MALRD1: variants seen among roughly 807,000 people sequenced by gnomAD.
MALRD1 encodes MAM and LDL receptor class A domain containing 1.
In MALRD1, 247 loss-of-function variants were observed where a neutral mutation model predicts 242.1. The observed-to-expected ratio is 1.02, with a 90% CI of 0.92 to 1.13. MALRD1 has a LOEUF of 1.13. Among genes scored for constraint, MALRD1 ranks in the 50% most tolerant of loss-of-function variants. The pLI is 0.00. For synonymous variants in MALRD1, 995 were observed against 866.6 expected (o/e 1.15, Z -2.60); for missense variants, 2,989 against 2,533.1 (o/e 1.18, Z -3.86).
chr10:19,418,195 T>C (rs2130906549), intron 28 of MALRD1, among the ~76,000 whole-genome samples: 1 of 152,226 alleles, frequency 6.6e-6, no homozygotes, highest in South Asian at 2.1e-4. Context: ...ATTATCATTA[T>C]AGATTATCTG....
chr10:19,695,084 A>C (rs1259466733), intron 38 of MALRD1, among the ~76,000 whole-genome samples: 1 of 152,110 alleles, frequency 6.6e-6, no homozygotes, highest in Non-Finnish European at 1.5e-5. Flanking sequence ...GGGTGGGGCT[A>C]GTGGGGAGGC....
At chr10:19,731,942 C>T (rs1276882864) in intron 39 of MALRD1, among the ~76,000 whole-genome samples, 2 of 151,960 alleles carry the variant, frequency 1.3e-5, no homozygotes, top group Admixed American at 1.3e-4. Flanking sequence ...GTTTAAGAGC[C>T]TTGAGTGCTG....
At chr10:19,391,547 T>C (rs187636673) in intron 28 of MALRD1, among the ~76,000 whole-genome samples, 82 of 152,318 alleles carry the variant, frequency 5.4e-4, no homozygotes, top group South Asian at 1.2e-3. Flanking sequence ...GATGTTCCAG[T>C]ATACACATTC....
intron 2 of MALRD1, among the ~76,000 whole-genome samples, chr10:19,075,265 G>T (rs576759873): frequency 6.6e-6 from 1 of 152,072 alleles, no homozygotes; most frequent in South Asian, 2.1e-4. Flanking sequence ...CTATCCTCTG[G>T]TTATTCAATC....
chr10:19,235,578 CAG>C (rs34117417), intron 18 of MALRD1, among the ~76,000 whole-genome samples: 2,068 of 132,410 alleles, frequency 0.016, 42 homozygotes, highest in African/African-American at 0.055. Context: ...CCCACACCCA[CAG>C]AGAGAGAGAG....
chr10:19,372,543 A>G (rs1189149820), intron 26 of MALRD1, among the ~76,000 whole-genome samples: 1 of 151,546 alleles, frequency 6.6e-6, no homozygotes, highest in Non-Finnish European at 1.5e-5. Flanking sequence ...ATCTCGGCTC[A>G]CTGCAACCTC....
intron 34 of MALRD1, among the ~76,000 whole-genome samples, chr10:19,599,600 A>G (rs1046485450): frequency 7.2e-5 from 11 of 152,168 alleles, no homozygotes; most frequent in Non-Finnish European, 1.6e-4. Context: ...GTGTCAGTCA[A>G]TATCCTGGCA....
chr10:19,587,479 C>T (rs1488943680), intron 33 of MALRD1, among the ~76,000 whole-genome samples: 2 of 152,168 alleles, frequency 1.3e-5, no homozygotes, highest in Non-Finnish European at 2.9e-5. Context: ...ACATATTAAT[C>T]ATAAAGGTAA....
intron 1 of MALRD1, among the ~76,000 whole-genome samples, chr10:19,055,185 C>T (rs1834626154): frequency 6.6e-6 from 1 of 152,106 alleles, no homozygotes. Flanking sequence ...ACCTATTGAA[C>T]ATTTGTATGT....
At chr10:19,406,627 G>C (rs1268349471) in intron 28 of MALRD1, among the ~76,000 whole-genome samples, 1 of 152,056 alleles carries the variant, frequency 6.6e-6, no homozygotes, top group Non-Finnish European at 1.5e-5. Flanking sequence ...TATTCATGAC[G>C]AATAAATATC....
In MALRD1 at chr10:19,190,945, T is replaced by C. The variant is rs139457003; in HGVS notation, c.1952-12783T>C. On this transcript the variant is annotated intron_variant, in intron 14 of 39. Coordinates refer to ENST00000454679, the MANE Select transcript of MALRD1 (RefSeq NM_001142308.3). The stretch of plus-strand genomic sequence containing the variant: ...AAGGCACAGGCAACAAAATAAAAAA[T>C]AGACAAATTGGACTTTATGAGAGCT... 1.4e-3 allele frequency among the ~76,000 whole-genome samples: 210 copies of C among 152,204 alleles called. 4 individuals are homozygous for C. The highest frequency in any genetic ancestry group is 9.3e-3 in the Admixed American group (142 of 15,300).
intron 24 of MALRD1, among the ~76,000 whole-genome samples, chr10:19,344,728 G>GC: frequency 6.7e-6 from 1 of 150,068 alleles, no homozygotes; most frequent in Non-Finnish European, 1.5e-5. Context: ...ATTGGGGGGG[G>GC]GGAGTCATAT....
chr10:19,261,944 C>CT (rs543045373), intron 19 of MALRD1, among the ~76,000 whole-genome samples: 71 of 152,020 alleles, frequency 4.7e-4, no homozygotes, highest in Non-Finnish European at 9.0e-4. Flanking sequence ...TTCCATTACT[C>CT]TAATTCAAGT....
At chr10:19,523,951 C>T (rs1833985641) in intron 31 of MALRD1, among the ~76,000 whole-genome samples, 1 of 151,868 alleles carries the variant, frequency 6.6e-6, no homozygotes, top group African/African-American at 2.4e-5. Context: ...GAGATTAATG[C>T]CTAAAGCATT....
chr10:19,478,898 C>T (rs1452165595), intron 29 of MALRD1, among the ~76,000 whole-genome samples: 3 of 152,190 alleles, frequency 2.0e-5, no homozygotes, highest in Non-Finnish European at 4.4e-5. Context: ...GCCTTTTTAG[C>T]AACCATTCTT....
At chr10:19,730,593 G>C in intron 38 of MALRD1, 113 bp from the exon 39 acceptor site, 1 of 1,069,294 alleles carries the variant, frequency 9.4e-7, no homozygotes, top group Non-Finnish European at 1.4e-6. Flanking sequence ...ATGAAAATAA[G>C]TGTGCTGGCT....
chr10:19,230,340 C>T (rs1017547021), intron 18 of MALRD1, among the ~76,000 whole-genome samples: 22 of 152,078 alleles, frequency 1.4e-4, no homozygotes, highest in Non-Finnish European at 5.9e-5. Context: ...TTATTTGGCT[C>T]CTTGTTCTGC....
chr10:19,666,038 A>T (rs903189992), intron 36 of MALRD1, among the ~76,000 whole-genome samples: 1 of 152,026 alleles, frequency 6.6e-6, no homozygotes, highest in Non-Finnish European at 1.5e-5. Context: ...TGTCCTCTTC[A>T]TCCCTCCTTG....
chr10:19,594,119 C>T (rs1837955144), intron 33 of MALRD1, among the ~76,000 whole-genome samples: 1 of 152,144 alleles, frequency 6.6e-6, no homozygotes, highest in Non-Finnish European at 1.5e-5. Context: ...GTAACAGTTC[C>T]CTTAAATTCT....
Sources: gnomAD v4.1 joint callset for allele counts (sites outside exome capture counted in the v4.1 genomes callset) on GRCh38, gnomAD v4.1.1 for gene constraint, MANE v1.5 for transcripts, NCBI Gene and HGNC (gene_info 2026-07-23, HGNC 2026-07-21) for gene names.